Variants in LRP1B observed in about 807,000 individuals in gnomAD.
LRP1B encodes LDL receptor related protein 1B.
A neutral mutation model predicts 556.6 loss-of-function variants in LRP1B; 217 were observed. That is an observed-to-expected ratio of 0.39 (90% CI 0.35 to 0.44). The LOEUF (loss-of-function observed/expected upper bound fraction) is 0.44, where lower values mean the gene tolerates loss of function less well. LRP1B is among the 20% of genes least tolerant of loss of function. LRP1B has a pLI of 1.00. For synonymous variants in LRP1B, 2,047 were observed against 1,865.8 expected (o/e 1.10, Z -2.50); for missense variants, 5,053 against 5,620.8 (o/e 0.90, Z 3.23).
intron 3 of LRP1B, among the ~76,000 whole-genome samples, chr2:141,291,855 C>CAAAAAAAAAAAAAAAAAAAA (rs143819331): frequency 6.0e-5 from 6 of 99,334 alleles, no homozygotes; most frequent in African/African-American, 1.4e-4. Flanking sequence ...GACTCTGTCT[C>CAAAAAAAAAAAAAAAAAAAA]AAAAAAAAAA....
At chr2:141,100,291 A>G (rs534700330) in intron 7 of LRP1B, among the ~76,000 whole-genome samples, 9 of 152,360 alleles carry the variant, frequency 5.9e-5, no homozygotes, top group African/African-American at 1.9e-4. Context: ...AGGTAACAGA[A>G]TGTTGAATGG....
At chr2:140,557,568 C>A (rs1487173131) in intron 43 of LRP1B, among the ~76,000 whole-genome samples, 1 of 152,104 alleles carries the variant, frequency 6.6e-6, no homozygotes, top group Non-Finnish European at 1.5e-5. Context: ...CCTGTGACCT[C>A]TCTGGAACTA....
chr2:142,015,284 A>G (rs1231238137), intron 1 of LRP1B, among the ~76,000 whole-genome samples: 1 of 152,176 alleles, frequency 6.6e-6, no homozygotes. Flanking sequence ...AGGATTCCCT[A>G]TTTAATAAAT....
chr2:141,508,408 T>A (rs960017648), intron 2 of LRP1B, among the ~76,000 whole-genome samples: 1 of 152,228 alleles, frequency 6.6e-6, no homozygotes, highest in Non-Finnish European at 1.5e-5. Flanking sequence ...GCATCTTGCC[T>A]AAATGGTTGA....
intron 7 of LRP1B, among the ~76,000 whole-genome samples, chr2:141,114,719 T>C (rs2104976912): frequency 6.6e-6 from 1 of 152,280 alleles, no homozygotes; most frequent in East Asian, 1.9e-4. Context: ...TTTCCAGGCT[T>C]GAAGGTGGGG....
intron 1 of LRP1B, among the ~76,000 whole-genome samples, chr2:141,964,680 C>T (rs1218187863): frequency 3.3e-5 from 5 of 150,062 alleles, no homozygotes; most frequent in Admixed American, 2.0e-4. Context: ...AGGACATAGG[C>T]GTGGGCAAGG....
At chr2:140,608,179 T>G (rs77431412) in intron 41 of LRP1B, among the ~76,000 whole-genome samples, 1,656 of 152,230 alleles carry the variant, frequency 0.011, 24 homozygotes, top group African/African-American at 0.038. Flanking sequence ...TAAGAGAATC[T>G]GCTAAAAAAC....
intron 85 of LRP1B, among the ~76,000 whole-genome samples, chr2:140,270,841 C>CCTG (rs1682425884): frequency 6.6e-6 from 1 of 151,914 alleles, no homozygotes; most frequent in Non-Finnish European, 1.5e-5. Flanking sequence ...GGAGGGTTAT[C>CCTG]CTGTAGCCAC....
intron 27 of LRP1B, among the ~76,000 whole-genome samples, chr2:140,858,059 T>A (rs1418329695): frequency 1.3e-5 from 2 of 152,190 alleles, no homozygotes; most frequent in African/African-American, 2.4e-5. Flanking sequence ...TGATTTTGCC[T>A]CCCAAGAAAC....
chr2:141,002,186 G>A (rs1697444463), intron 15 of LRP1B, among the ~76,000 whole-genome samples: 2 of 151,702 alleles, frequency 1.3e-5, no homozygotes, highest in Non-Finnish European at 2.9e-5. Flanking sequence ...ATCTTCCACA[G>A]AAATCAACTT....
At chr2:141,909,531 T>A (rs1574484298) in intron 1 of LRP1B, among the ~76,000 whole-genome samples, 4 of 46,462 alleles carry the variant, frequency 8.6e-5, no homozygotes, top group African/African-American at 1.3e-4. Flanking sequence ...CAGACATTTT[T>A]TTTTTTTTTT....
chr2:141,394,200 A>G (rs1327326129), intron 3 of LRP1B, among the ~76,000 whole-genome samples: 1 of 152,162 alleles, frequency 6.6e-6, no homozygotes, highest in African/African-American at 2.4e-5. Context: ...CATCTCATAT[A>G]AAGTTCAATT....
chr2:141,543,582 G>A (rs912619787), intron 2 of LRP1B, among the ~76,000 whole-genome samples: 12 of 150,558 alleles, frequency 8.0e-5, no homozygotes, highest in Non-Finnish European at 1.3e-4. Flanking sequence ...AACACAAGCT[G>A]GGTATGGTTG....
chr2:141,454,952 T>C (rs1681575108), intron 3 of LRP1B, among the ~76,000 whole-genome samples: 1 of 152,020 alleles, frequency 6.6e-6, no homozygotes, highest in South Asian at 2.1e-4. Flanking sequence ...TCCAATAATG[T>C]TGGCCAAAGC....
intron 3 of LRP1B, among the ~76,000 whole-genome samples, chr2:141,406,738 C>T (rs1300398256): frequency 6.6e-6 from 1 of 151,940 alleles, no homozygotes; most frequent in East Asian, 1.9e-4. Context: ...ACTCCTCCAC[C>T]ATAGGAGGAG....
At chr2:141,409,288 C>A (rs1283255563) in intron 3 of LRP1B, among the ~76,000 whole-genome samples, 1 of 152,084 alleles carries the variant, frequency 6.6e-6, no homozygotes, top group African/African-American at 2.4e-5. Flanking sequence ...TTCATACAAG[C>A]TTATTTGGGT....
At chr2:141,802,982 G>A (rs966543015) in intron 2 of LRP1B, among the ~76,000 whole-genome samples, 30 of 152,022 alleles carry the variant, frequency 2.0e-4, no homozygotes, top group African/African-American at 6.8e-4. Flanking sequence ...GTTGTTTCCA[G>A]AATTCCTGTA....
intron 32 of LRP1B, among the ~76,000 whole-genome samples, chr2:140,791,743 C>G (rs1690127311): frequency 6.6e-6 from 1 of 152,194 alleles, no homozygotes; most frequent in Non-Finnish European, 1.5e-5. Flanking sequence ...TTTCTGAGAG[C>G]TGCCTTGTAC....
At chr2:140,462,626 C>A (rs1270684362) in intron 60 of LRP1B, among the ~76,000 whole-genome samples, 2 of 152,176 alleles carry the variant, frequency 1.3e-5, no homozygotes, top group Admixed American at 6.5e-5. Flanking sequence ...TGGAGGAAAT[C>A]CAACTTGATG....
Sources: allele counts gnomAD v4.1 joint callset (sites outside exome capture counted in the v4.1 genomes callset), GRCh38; gene constraint gnomAD v4.1.1; transcripts MANE v1.5; gene names NCBI Gene and HGNC (gene_info 2026-07-23, HGNC 2026-07-21).